TLE3: variants seen among roughly 807,000 people sequenced by gnomAD.
TLE3 encodes the protein TLE family member 3, transcriptional corepressor.
A neutral mutation model predicts 93.0 loss-of-function variants in TLE3; 14 were observed. That is an observed-to-expected ratio of 0.15 (90% CI 0.10 to 0.24). The LOEUF is 0.24. TLE3 is among the 10% of genes least tolerant of loss of function. The pLI, the probability that TLE3 is intolerant of heterozygous loss-of-function variation, is 1.00. For missense variants in TLE3, 693 were observed against 1,046.6 expected, an observed-to-expected ratio of 0.66 and a Z score of 4.66; for synonymous variants, 451 against 425.0, an observed-to-expected ratio of 1.06 and a Z score of -0.75.
At chr15:70,095,550 G>T in intron 3 of TLE3, 28 bp downstream of exon 3, 1 of 1,547,950 alleles carries the variant, frequency 6.5e-7, no homozygotes, top group Non-Finnish European at 8.7e-7. Flanking sequence ...CGCCCCAACC[G>T]CCCCCCAGGC....
Position 70,096,163 on chromosome 15 carries a change from G to A in TLE3, c.123C>T (p.His41=), listed in dbSNP as rs748199989. ...GGGGCGGCCCCCACCGGCCTTACCT[G>A]TGATACTGAGCTTGCAGGAACTGGA... ...DEFQFLQAQY[H]SLKVEYDKLA... is the part of the protein sequence containing the mutation. Residue 41 remains histidine, a splice_region_variant and synonymous_variant, in exon 2 of 20, where the codon CAC becomes CAT. Coordinates refer to ENST00000451782, the MANE Select transcript of TLE3 (RefSeq NM_001105192.3). 1.0e-5 allele frequency: 16 copies of A among 1,554,604 alleles called. No homozygotes were observed. In the South Asian group the frequency reaches 1.8e-4, roughly 17 times the overall value.
chr15:70,061,023 A>G (rs2056440162), intron 8 of TLE3, among the ~76,000 whole-genome samples: 1 of 152,154 alleles, frequency 6.6e-6, no homozygotes, highest in Admixed American at 6.5e-5. Context: ...ATTTGCTCAA[A>G]GGAGGGATAA....
intron 6 of TLE3, among the ~76,000 whole-genome samples, chr15:70,071,758 C>A (rs2057181849): frequency 6.6e-6 from 1 of 152,120 alleles, no homozygotes. Flanking sequence ...TGGGGGTAGC[C>A]ACTGAAAGCT....
chr15:70,077,435 A>G (rs898219300), intron 4 of TLE3, among the ~76,000 whole-genome samples: 2 of 152,254 alleles, frequency 1.3e-5, no homozygotes, highest in Non-Finnish European at 2.9e-5. Flanking sequence ...GATCATCTGC[A>G]TGTCAAATGA....
At chr15:70,052,968 C>CT in intron 17 of TLE3, 1 of 454,126 alleles carries the variant, frequency 2.2e-6, no homozygotes, top group Non-Finnish European at 3.9e-6. Flanking sequence ...AATGAGGACG[C>CT]CGAGGACAAA....
At position 70,079,560 on chromosome 15, in the gene TLE3, G is replaced by T. The variant is rs941233431; in HGVS notation, c.235-3402C>A. 18 of 389,280 alleles carry T rather than the reference G, an allele frequency of 4.6e-5. No individual in the cohort carries two copies. The Admixed American group carries it at 7.9e-4, about 17-fold the overall frequency. The allele number at this position is 389,280 out of a possible 1,614,324, so 24.1% of individuals were successfully genotyped here. On this transcript the variant is annotated intron_variant, in intron 4 of 19. Coordinates refer to ENST00000451782, the MANE Select transcript of TLE3 (RefSeq NM_001105192.3). ...GGTCTCCCCACAAAGTGGAAGCAGG[G>T]ATTGGGCCTCCCCCATCTCTACAAA...
chr15:70,078,365 G>T (rs2141857383), intron 4 of TLE3, among the ~76,000 whole-genome samples: 1 of 152,164 alleles, frequency 6.6e-6, no homozygotes, highest in South Asian at 2.1e-4. Flanking sequence ...CACCAAATAA[G>T]AATAGAAAGA....
In TLE3 at chr15:70,048,079, T is replaced by C. The variant is rs1162893744; in HGVS notation, c.*2018A>G. The C allele has an allele frequency of 1.5e-5, 2 of 137,726 alleles. No individual in the cohort carries two copies. Among genetic ancestry groups the C allele is most frequent in the East Asian group, 2.2e-4 (1 of 4,644 alleles). 8.5% of individuals were successfully genotyped at this position (137,726 alleles called of 1,614,324 possible). A position where few individuals can be genotyped will look rare whatever the true frequency, so the allele number is the denominator to read the frequency against. On this transcript the variant is annotated 3_prime_UTR_variant, in exon 20 of 20. Coordinates refer to ENST00000451782, the MANE Select transcript of TLE3 (RefSeq NM_001105192.3). ...GTGAGATGAGAAGAGCTCACATCGA[T>C]GGGAAATGGCCCTGGCCCAGGCTCC...
At chr15:70,054,707 C>A in intron 15 of TLE3, 22 bp from the exon 16 acceptor site, 1 of 1,553,384 alleles carries the variant, frequency 6.4e-7, no homozygotes, top group Non-Finnish European at 8.7e-7. Flanking sequence ...AGGGGCAGGG[C>A]TGAGTGCTGC....
chr15:70,088,345 C>T (rs1239992438), intron 4 of TLE3, among the ~76,000 whole-genome samples: 1 of 152,226 alleles, frequency 6.6e-6, no homozygotes, highest in Non-Finnish European at 1.5e-5. Flanking sequence ...TACATGGCGG[C>T]AGGACGTTTC....
At chr15:70,064,414 AC>A in intron 8 of TLE3, 39 bp downstream of exon 8, 1 of 1,612,326 alleles carries the variant, frequency 6.2e-7, no homozygotes, top group Non-Finnish European at 8.5e-7. Context: ...TCCTCCCAGC[AC>A]CCAAACACCC....
At chr15:70,056,786 G>C (rs1301533524) in intron 13 of TLE3, among the ~76,000 whole-genome samples, 1 of 152,124 alleles carries the variant, frequency 6.6e-6, no homozygotes, top group African/African-American at 2.4e-5. Flanking sequence ...TTTTGAGATG[G>C]AGTCTCGCTC....
chr15:70,056,073 T>C (rs1390700577), intron 14 of TLE3: 2 of 609,900 alleles, frequency 3.3e-6, no homozygotes, highest in Admixed American at 2.6e-5. Context: ...CCATGGCTCC[T>C]CTGTCGGAGG....
chr15:70,071,857 C>A (rs764864947), intron 6 of TLE3, among the ~76,000 whole-genome samples: 1 of 152,160 alleles, frequency 6.6e-6, no homozygotes. Flanking sequence ...GGCTCTGCAC[C>A]CCGTTATCCT....
At chr15:70,054,321 G>A in intron 16 of TLE3, 117 bp downstream of exon 16, 2 of 1,444,612 alleles carry the variant, frequency 1.4e-6, no homozygotes, top group Non-Finnish European at 1.9e-6. Context: ...TCATCCCAAC[G>A]GTTCTGGCCA....
At chr15:70,057,818 A>T in intron 12 of TLE3, 160 bp from the exon 13 acceptor site, 1 of 923,940 alleles carries the variant, frequency 1.1e-6, no homozygotes, top group Non-Finnish European at 1.6e-6. Context: ...CTTCAGAGCC[A>T]AAGAAGCTTA....
rs1566999303 is a variant in TLE3 at position 70,060,580 on chromosome 15, T to C, written c.664A>G (p.Met222Val). The stretch of plus-strand genomic sequence containing the variant: ...TCCGCCTTCCGCTTCTTGGCTTCCA[T>C]GCTGTAGTCCGCAGAGCCCCGGTGC... ...EKHRGSADYS[M>V]EAKKRKAEEK... is the part of the protein sequence containing the mutation. The change falls in exon 9 of 20, where the codon ATG becomes GTG. Residue 222 changes from methionine to valine, a missense_variant. Physicochemically the swap from Met to Val is conservative, Grantham distance 21. This residue lies in a region of TLE3 where 405 missense variants were observed against 468.9 expected (regional missense o/e 0.86). Transcript: ENST00000451782. 12 of 1,614,002 alleles carry C rather than the reference T, an allele frequency of 7.4e-6. No homozygotes were observed. The highest frequency in any genetic ancestry group is 1.0e-5 in the Non-Finnish European group (12 of 1,179,878).
intron 6 of TLE3, among the ~76,000 whole-genome samples, chr15:70,070,341 C>T (rs1024230359): frequency 5.3e-5 from 8 of 152,232 alleles, no homozygotes; most frequent in South Asian, 2.1e-4. Flanking sequence ...ATGCACATCA[C>T]GCCTTAGGCC....
chr15:70,050,339 T>C, intron 19 of TLE3, 135 bp from the exon 20 acceptor site: 1 of 695,334 alleles, frequency 1.4e-6, no homozygotes, highest in South Asian at 1.6e-5. Context: ...CCCTCTCTGA[T>C]GCTCCGACCT....
Sources: allele counts gnomAD v4.1 joint callset (sites outside exome capture counted in the v4.1 genomes callset), GRCh38; gene constraint gnomAD v4.1.1; regional missense constraint gnomAD v4.1.1; transcripts MANE v1.5; gene names NCBI Gene and HGNC (gene_info 2026-07-23, HGNC 2026-07-21).